ETV5: variants seen among roughly 807,000 people sequenced by gnomAD.
The protein encoded by ETV5 is ETS variant transcription factor 5.
A neutral mutation model predicts 70.0 loss-of-function variants in ETV5; 10 were observed. The ratio of observed to expected loss-of-function variants is 0.14; its 90% confidence interval spans 0.09 to 0.24. ETV5 has a LOEUF of 0.24. Ranked by LOEUF, ETV5 falls within the 10% of genes least tolerant of loss-of-function variation. The probability of loss-of-function intolerance (pLI) is 1.00; values close to 1 mark genes in which losing one functional copy is unlikely to be tolerated. For synonymous variants in ETV5, 216 were observed against 242.2 expected (o/e 0.89, Z 1.01); for missense variants, 453 against 651.2 (o/e 0.70, Z 3.31).
intron 11 of ETV5, among the ~76,000 whole-genome samples, chr3:186,056,678 G>A (rs1409097832): frequency 6.6e-6 from 1 of 152,182 alleles, no homozygotes; most frequent in African/African-American, 2.4e-5. Context: ...TTGTCAAAAT[G>A]TCATACAGTA....
intron 7 of ETV5, among the ~76,000 whole-genome samples, chr3:186,069,015 GTTTGAA>G: frequency 6.6e-6 from 1 of 152,262 alleles, no homozygotes; most frequent in East Asian, 1.9e-4. Flanking sequence ...TAATAAAATA[GTTTGAA>G]TTTGATTTGA....
At position 186,048,116 on chromosome 3, in the gene ETV5, T is replaced by C. The variant is rs977464448; in HGVS notation, c.*523A>G. On this transcript the variant is annotated 3_prime_UTR_variant, in exon 13 of 13. Transcript: ENST00000306376. ...CCCTTTTTCTAGACAAGGGGTAATA[T>C]TTCAGATTCAGCTAGAAGAGCTTTC... 4.3e-6 allele frequency: 1 copy of C among 234,580 alleles called. No individual in the cohort carries two copies. The highest frequency in any genetic ancestry group is 8.4e-6 in the Non-Finnish European group (1 of 118,878). 14.5% of individuals were successfully genotyped at this position (234,580 alleles called of 1,614,324 possible).
At chr3:186,083,288 C>T (rs1246284568) in intron 5 of ETV5, among the ~76,000 whole-genome samples, 1 of 152,186 alleles carries the variant, frequency 6.6e-6, no homozygotes, top group African/African-American at 2.4e-5. Flanking sequence ...ACAAAAGCTA[C>T]ATGTCCTTGA....
chr3:186,102,722 C>T (rs1714491169), intron 5 of ETV5, among the ~76,000 whole-genome samples: 1 of 150,526 alleles, frequency 6.6e-6, no homozygotes, highest in Non-Finnish European at 1.5e-5. Context: ...GTCAAACCAA[C>T]TCATAAGGTT....
Position 186,066,080 on chromosome 3 carries a change from A to C in ETV5, c.651-8T>G, listed in dbSNP as rs771875704. The C allele has an allele frequency of 4.4e-5, 68 of 1,558,556 alleles. No individual in the cohort carries two copies. The highest frequency in any genetic ancestry group is 5.7e-5 in the Non-Finnish European group (66 of 1,154,966). On this transcript the variant is annotated splice_polypyrimidine_tract_variant and splice_region_variant and intron_variant, in intron 7 of 12. Coordinates refer to ENST00000306376, the MANE Select transcript of ETV5 (RefSeq NM_004454.3). ...GACAGTTGTCTCTGAAATCTGTAAG[A>C]AGAAAGAGGTTTTCATGTTGAACAA...
chr3:186,081,200 G>A (rs1466017526), intron 5 of ETV5, 25 bp from the exon 6 acceptor site: 3 of 1,601,348 alleles, frequency 1.9e-6, no homozygotes, highest in East Asian at 2.2e-5. Flanking sequence ...GGGATGAGAG[G>A]GGAATAGAGA....
At chr3:186,085,751 C>T (rs1333814540) in intron 5 of ETV5, among the ~76,000 whole-genome samples, 1 of 152,108 alleles carries the variant, frequency 6.6e-6, no homozygotes, top group African/African-American at 2.4e-5. Flanking sequence ...CTCAGGTGAT[C>T]CGCCTGCCTC....
At chr3:186,095,274 G>A (rs1047668348) in intron 5 of ETV5, 1 of 152,102 alleles carries the variant, frequency 6.6e-6, no homozygotes, top group African/African-American at 2.4e-5. Context: ...TGCTCACACT[G>A]GATCACGCAA....
At chr3:186,053,370 G>A (rs1713080044) in intron 11 of ETV5, among the ~76,000 whole-genome samples, 1 of 152,200 alleles carries the variant, frequency 6.6e-6, no homozygotes, top group Non-Finnish European at 1.5e-5. Context: ...CCGAAGTGCT[G>A]GGATTATAGG....
At position 186,109,059 on chromosome 3, in the gene ETV5, GAAC is replaced by G. The variant is rs1714675136; in HGVS notation, c.-197_-195del. The stretch of plus-strand genomic sequence containing the variant: ...TGGGCCGAACCGCTCCGAAGACGGT[GAAC>G]CGCTCCGCGCACCAGCGGCTGGACT... On this transcript the variant is annotated 5_prime_UTR_variant, in exon 1 of 13. Transcript: ENST00000306376. The G allele has an allele frequency of 6.6e-6, 1 of 152,356 alleles. No individual in the cohort carries two copies. The highest frequency in any genetic ancestry group is 1.5e-5 in the Non-Finnish European group (1 of 68,118). 9.4% of individuals were successfully genotyped at this position (152,356 alleles called of 1,614,324 possible). A position where few individuals can be genotyped will look rare whatever the true frequency, so the allele number is the denominator to read the frequency against.
At chr3:186,055,575 G>A (rs974301539) in intron 11 of ETV5, among the ~76,000 whole-genome samples, 10 of 152,146 alleles carry the variant, frequency 6.6e-5, no homozygotes, top group Admixed American at 2.0e-4. Context: ...TTCCATTCTC[G>A]TGAGTGAATA....
At chr3:186,082,383 G>A (rs551284358) in intron 5 of ETV5, among the ~76,000 whole-genome samples, 1 of 150,746 alleles carries the variant, frequency 6.6e-6, no homozygotes, top group African/African-American at 2.4e-5. Flanking sequence ...TTACTTCTTA[G>A]TAATTATACG....
At chr3:186,101,723 A>G (rs1714463349) in intron 5 of ETV5, among the ~76,000 whole-genome samples, 1 of 152,176 alleles carries the variant, frequency 6.6e-6, no homozygotes, top group Non-Finnish European at 1.5e-5. Context: ...TATTTTATAC[A>G]TCTTCCTCTT....
intron 7 of ETV5, among the ~76,000 whole-genome samples, chr3:186,072,355 G>C (rs924366475): frequency 6.7e-6 from 1 of 149,922 alleles, no homozygotes; most frequent in Admixed American, 6.7e-5. Flanking sequence ...CTGGGTGACA[G>C]AGTGAGACTC....
At chr3:186,103,284 A>G (rs1352989474) in intron 5 of ETV5, among the ~76,000 whole-genome samples, 1 of 152,228 alleles carries the variant, frequency 6.6e-6, no homozygotes, top group African/African-American at 2.4e-5. Flanking sequence ...AATTATTTCT[A>G]AAGAGCCAAA....
At chr3:186,094,936 G>A (rs1216275540) in intron 5 of ETV5, among the ~76,000 whole-genome samples, 1 of 152,260 alleles carries the variant, frequency 6.6e-6, no homozygotes, top group Middle Eastern at 3.4e-3. Context: ...GCTTCTTTTA[G>A]ACCTACAGCC....
At chr3:186,084,510 G>A (rs1372611455) in intron 5 of ETV5, among the ~76,000 whole-genome samples, 1 of 151,962 alleles carries the variant, frequency 6.6e-6, no homozygotes, top group African/African-American at 2.4e-5. Flanking sequence ...GAGTATCTTC[G>A]ATGGGCCAGG....
At chr3:186,071,353 G>C (rs912746127) in intron 7 of ETV5, among the ~76,000 whole-genome samples, 6 of 152,228 alleles carry the variant, frequency 3.9e-5, no homozygotes, top group African/African-American at 1.4e-4. Flanking sequence ...AAGGCTCAGG[G>C]AAGAAGACGG....
At chr3:186,106,821 T>G (rs1030771241) in intron 1 of ETV5, 3 of 413,130 alleles carry the variant, frequency 7.3e-6, no homozygotes, top group South Asian at 1.0e-4. Flanking sequence ...GGGAGAAAAC[T>G]TCTCCTAACG....
Sources: gnomAD v4.1 joint callset for allele counts (sites outside exome capture counted in the v4.1 genomes callset) on GRCh38, gnomAD v4.1.1 for gene constraint, MANE v1.5 for transcripts, NCBI Gene and HGNC (gene_info 2026-07-23, HGNC 2026-07-21) for gene names.